LRRC4C: variants seen among roughly 807,000 people sequenced by gnomAD.
LRRC4C encodes leucine rich repeat containing 4C, also known as leucine-rich repeat-containing protein 4C.
In LRRC4C, 5 loss-of-function variants were observed where a neutral mutation model predicts 33.6. That is an observed-to-expected ratio of 0.15 (90% CI 0.08 to 0.31). The LOEUF is 0.31. Among genes scored for constraint, LRRC4C ranks in the 10% least tolerant of loss-of-function variants. LRRC4C has a pLI of 1.00. For missense variants in LRRC4C, 560 were observed against 796.7 expected (o/e 0.70, Z 3.58); for synonymous variants, 329 against 302.0 (o/e 1.09, Z -0.93).
intron 2 of LRRC4C, among the ~76,000 whole-genome samples, chr11:40,694,917 T>G (rs1009966977): frequency 6.6e-6 from 1 of 152,152 alleles, no homozygotes; most frequent in Non-Finnish European, 1.5e-5. Context: ...TTCCTTCCGG[T>G]CTTCCATTTT....
At chr11:41,384,946 T>A (rs2137930382) in intron 1 of LRRC4C, among the ~76,000 whole-genome samples, 1 of 150,632 alleles carries the variant, frequency 6.6e-6, no homozygotes, top group Middle Eastern at 3.4e-3. Flanking sequence ...TTTAGTATAC[T>A]ATATCAGTTT....
At chr11:41,100,505 T>G (rs1328759833) in intron 1 of LRRC4C, among the ~76,000 whole-genome samples, 2 of 151,882 alleles carry the variant, frequency 1.3e-5, no homozygotes, top group Non-Finnish European at 2.9e-5. Context: ...AGGTGGAGGT[T>G]TGCAGTGAGC....
chr11:40,843,047 G>C (rs916012634), intron 2 of LRRC4C, among the ~76,000 whole-genome samples: 9 of 152,114 alleles, frequency 5.9e-5, no homozygotes, highest in Admixed American at 5.2e-4. Context: ...AGCCTATTGA[G>C]ATTCTAATCT....
intron 1 of LRRC4C, among the ~76,000 whole-genome samples, 180 bp downstream of exon 1, chr11:41,459,251 A>G (rs1956263303): frequency 6.6e-6 from 1 of 152,170 alleles, no homozygotes; most frequent in Admixed American, 6.5e-5. Flanking sequence ...TGGTTATACA[A>G]ATGGAAATAA....
intron 1 of LRRC4C, among the ~76,000 whole-genome samples, chr11:41,085,598 G>A (rs1365040479): frequency 2.0e-5 from 3 of 152,106 alleles, no homozygotes. Flanking sequence ...CTAATACAGA[G>A]TACCCATCAC....
chr11:40,683,123 T>G (rs927095526), intron 2 of LRRC4C, among the ~76,000 whole-genome samples: 1 of 152,222 alleles, frequency 6.6e-6, no homozygotes, highest in Admixed American at 6.5e-5. Flanking sequence ...CTCCACATTT[T>G]TTTGTCTCAT....
chr11:41,189,601 A>G (rs1037235427), intron 1 of LRRC4C, among the ~76,000 whole-genome samples: 1 of 152,176 alleles, frequency 6.6e-6, no homozygotes, highest in Non-Finnish European at 1.5e-5. Context: ...TTAGAAAGAA[A>G]AAGACTAAAG....
chr11:40,133,359 A>T (rs1407284857), intron 6 of LRRC4C, among the ~76,000 whole-genome samples: 2 of 152,162 alleles, frequency 1.3e-5, no homozygotes, highest in African/African-American at 4.8e-5. Flanking sequence ...TTTTAAAATC[A>T]CCTCCCAACG....
intron 1 of LRRC4C, among the ~76,000 whole-genome samples, chr11:40,976,434 A>C (rs1852088916): frequency 6.6e-6 from 1 of 152,222 alleles, no homozygotes; most frequent in African/African-American, 2.4e-5. Flanking sequence ...CAGATCAGCA[A>C]GTCATTCATT....
intron 3 of LRRC4C, among the ~76,000 whole-genome samples, chr11:40,492,539 T>TA (rs1954213210): frequency 6.6e-6 from 1 of 152,192 alleles, no homozygotes; most frequent in African/African-American, 2.4e-5. Context: ...ACGTATCTTT[T>TA]AGTAAACGAC....
At chr11:40,726,544 T>C (rs373959543) in intron 2 of LRRC4C, among the ~76,000 whole-genome samples, 1 of 152,150 alleles carries the variant, frequency 6.6e-6, no homozygotes, top group South Asian at 2.1e-4. Context: ...AAGCTTTCTG[T>C]AAAATTCAAC....
At chr11:41,189,906 A>T (rs1264178516) in intron 1 of LRRC4C, among the ~76,000 whole-genome samples, 4 of 152,148 alleles carry the variant, frequency 2.6e-5, no homozygotes, top group Admixed American at 6.5e-5. Context: ...ACGTGCCTTT[A>T]TTCAGGATGG....
intron 1 of LRRC4C, among the ~76,000 whole-genome samples, chr11:41,010,173 A>C (rs1205212441): frequency 6.6e-6 from 1 of 152,186 alleles, no homozygotes; most frequent in Non-Finnish European, 1.5e-5. Flanking sequence ...CAGAAACTTG[A>C]AATAACACAT....
At chr11:40,452,807 T>A (rs1396019873) in intron 3 of LRRC4C, among the ~76,000 whole-genome samples, 3 of 151,942 alleles carry the variant, frequency 2.0e-5, no homozygotes, top group African/African-American at 7.3e-5. Flanking sequence ...ATAGACTGGA[T>A]TAAGAAAATG....
intron 3 of LRRC4C, among the ~76,000 whole-genome samples, chr11:40,559,825 A>G (rs924495656): frequency 1.3e-5 from 2 of 152,122 alleles, no homozygotes; most frequent in Admixed American, 1.3e-4. Context: ...GATCGGTGAT[A>G]TTAAGCTTTT....
rs554231185 is a variant in LRRC4C, at chr11:40,448,113, T to C, written c.-269-128392A>G. On this transcript the variant is annotated intron_variant, in intron 3 of 6. Transcript: ENST00000528697. ...TGAACCACCGCACCCAGCCAGCAAA[T>C]GCATTCTGGATGCTCCTGCTAAGCT... 2.6e-5 allele frequency among the ~76,000 whole-genome samples: 4 copies of C among 152,232 alleles called. No individual in the cohort carries two copies. The South Asian group carries it at 6.2e-4, about 24-fold the overall frequency.
intron 5 of LRRC4C, among the ~76,000 whole-genome samples, chr11:40,204,550 G>A (rs969747204): frequency 6.6e-6 from 1 of 152,030 alleles, no homozygotes; most frequent in Non-Finnish European, 1.5e-5. Context: ...AGACAGCATC[G>A]CTATCTCCCA....
chr11:40,971,378 G>T (rs2136992362), intron 1 of LRRC4C, among the ~76,000 whole-genome samples: 1 of 152,322 alleles, frequency 6.6e-6, no homozygotes, highest in Admixed American at 6.5e-5. Context: ...TTGAGCTACT[G>T]CTTCAGAAGA....
intron 3 of LRRC4C, among the ~76,000 whole-genome samples, chr11:40,456,269 AT>A (rs112198205): frequency 1.2e-4 from 18 of 152,320 alleles, no homozygotes; most frequent in African/African-American, 4.3e-4. Flanking sequence ...TTCAAATTAA[AT>A]TTATCTATAT....
Sources: allele counts gnomAD v4.1 joint callset (sites outside exome capture counted in the v4.1 genomes callset), GRCh38; gene constraint gnomAD v4.1.1; transcripts MANE v1.5; gene names NCBI Gene and HGNC (gene_info 2026-07-23, HGNC 2026-07-21).